OGG1: variants seen among roughly 807,000 people sequenced by gnomAD.
OGG1 encodes the protein N-glycosylase/DNA lyase.
Under a neutral mutation model 42.3 loss-of-function variants are expected in OGG1, and 35 were observed. The observed-to-expected ratio is 0.83, with a 90% confidence interval of 0.63 to 1.10. The LOEUF (loss-of-function observed/expected upper bound fraction) is 1.10. OGG1 is among the 50% of genes least tolerant of loss of function. The pLI, the probability that OGG1 is intolerant of heterozygous loss-of-function variation, is 0.00. For missense variants in OGG1, 484 were observed against 446.7 expected (o/e 1.08, Z -0.75); for synonymous variants, 189 against 179.0 (o/e 1.06, Z -0.44).
chr3:9,753,160 T>A (rs945380869), intron 3 of OGG1, among the ~76,000 whole-genome samples: 1 of 151,794 alleles, frequency 6.6e-6, no homozygotes, highest in Non-Finnish European at 1.5e-5. Flanking sequence ...GAGACCAGAC[T>A]GGCCAACCTG....
chr3:9,762,825 G>C, intron 7 of OGG1: 3 of 1,303,358 alleles, frequency 2.3e-6, no homozygotes, highest in Non-Finnish European at 3.3e-6. Flanking sequence ...TCAGTGAGGG[G>C]GTGAAAGTTG....
chr3:9,764,714 C>G (rs111850952), intron 7 of OGG1, among the ~76,000 whole-genome samples: 49 of 143,328 alleles, frequency 3.4e-4, no homozygotes, highest in African/African-American at 9.4e-4. Flanking sequence ...CTCACCGCAA[C>G]CTCCACCTCT....
At chr3:9,781,119 G>A (rs1372124027) in intron 2 of OGG1, among the ~76,000 whole-genome samples, 1 of 151,716 alleles carries the variant, frequency 6.6e-6, no homozygotes, top group Non-Finnish European at 1.5e-5. Flanking sequence ...AACAGAGCGT[G>A]ACTGTGTCTT....
intron 3 of OGG1, chr3:9,785,349 C>T (rs775164232): frequency 1.2e-6 from 2 of 1,614,056 alleles, no homozygotes. Flanking sequence ...AGGGGAGGTG[C>T]TTGCCCCGTC....
intron 2 of OGG1, among the ~76,000 whole-genome samples, chr3:9,773,375 A>G (rs2078325352): frequency 6.6e-6 from 1 of 151,856 alleles, no homozygotes; most frequent in Non-Finnish European, 1.5e-5. Context: ...TTGTATTTCT[A>G]CTAAAGATAC....
rs771276510 is a variant in OGG1 at position 9,757,355 on chromosome 3, T to A, written c.*205T>A. 1.9e-5 allele frequency: 31 copies of A among 1,614,080 alleles called. 1 individual carries two copies. In the South Asian group the frequency reaches 3.4e-4, roughly 18 times the overall value. On this transcript the variant is annotated 3_prime_UTR_variant, in exon 7 of 7. Transcript: ENST00000344629. This position sits in a 1 kb window ranked among gnomAD's most constrained non-coding sequence, Gnocchi z 4.5. ...GGAGACAGCGCTAAGGATGGTTTTATCTTCCCTTTATTACAAGAAGGAACA... is the reference window on the plus strand; with the variant it reads ...GGAGACAGCGCTAAGGATGGTTTTAACTTCCCTTTATTACAAGAAGGAACA...
At chr3:9,787,641 G>C (rs1007251974) in intron 3 of OGG1, 1 of 1,373,306 alleles carries the variant, frequency 7.3e-7, no homozygotes, top group African/African-American at 1.4e-5. Context: ...CCTCTCGAGA[G>C]AATTAGGAGC....
chr3:9,786,731 T>G (rs1482485469), intron 3 of OGG1, among the ~76,000 whole-genome samples: 1 of 152,202 alleles, frequency 6.6e-6, no homozygotes, highest in East Asian at 1.9e-4. Flanking sequence ...GAGGGGCTTC[T>G]AGGATATAGT....
rs368532639 is a variant in OGG1 at position 9,750,256 on chromosome 3, G to A, written c.-31G>A. 1 of 1,598,170 alleles carries A rather than the reference G, an allele frequency of 6.3e-7. No individual in the cohort carries two copies. Among genetic ancestry groups the A allele is most frequent in the Non-Finnish European group, 8.5e-7 (1 of 1,171,978 alleles). ...GACGAGGCCTGGTTCTGGGTAGGCG[G>A]GGCTACTACGGGGCGGTGCCTGCTG... On this transcript the variant is annotated 5_prime_UTR_variant, in exon 1 of 7. Coordinates refer to ENST00000344629, the MANE Select transcript of OGG1 (RefSeq NM_002542.6).
chr3:9,750,968 A>G lies in OGG1; in HGVS notation c.161A>G (p.His54Arg), dbSNP rs1324523789. Residue 54 changes from histidine (H) to arginine (R), a missense_variant, in exon 2 of 7, where the codon CAC becomes CGC. Coordinates refer to ENST00000344629, the MANE Select transcript of OGG1 (RefSeq NM_002542.6). ...SFRWREQSPA[H>R]WSGVLADQVW... ...AGGTGGAGGGAGCAAAGTCCTGCAC[A>G]CTGGAGTGGTGTACTAGCGGATCAA... 1.2e-6 allele frequency: 2 copies of G among 1,614,102 alleles called. No homozygotes were observed. The highest frequency in any genetic ancestry group is 1.7e-6 in the Non-Finnish European group (2 of 1,180,010).
chr3:9,761,019 C>A, downstream of OGG1: 1 of 481,766 alleles, frequency 2.1e-6, no homozygotes, highest in Non-Finnish European at 3.7e-6. Context: ...TCTTTCCCCA[C>A]ACCTCCAATG....
At chr3:9,765,908 T>G in exon 8 of OGG1, 1 of 1,613,786 alleles carries the variant, frequency 6.2e-7, no homozygotes, top group Non-Finnish European at 8.5e-7. Flanking sequence ...GAGAGGGGAT[T>G]CACAAGGTGA....
At chr3:9,764,105 G>A (rs1336610909) in intron 7 of OGG1, among the ~76,000 whole-genome samples, 2 of 152,154 alleles carry the variant, frequency 1.3e-5, no homozygotes, top group African/African-American at 4.8e-5. Context: ...CCAGCACCTG[G>A]TACAGGGTAG....
At chr3:9,758,087 T>G (rs1309923825), downstream of OGG1, 4 of 501,714 alleles carry the variant, frequency 8.0e-6, no homozygotes, top group Non-Finnish European at 1.3e-5. Context: ...ATAACTATAA[T>G]TCATATTAAT....
chr3:9,786,711 A>G (rs1484596024), intron 3 of OGG1, among the ~76,000 whole-genome samples: 1 of 152,228 alleles, frequency 6.6e-6, no homozygotes, highest in Non-Finnish European at 1.5e-5. Flanking sequence ...GGAGAAAAAC[A>G]GGGGCATGAG....
chr3:9,775,007 T>C (rs1391310707), intron 2 of OGG1, among the ~76,000 whole-genome samples: 1 of 151,774 alleles, frequency 6.6e-6, no homozygotes, highest in African/African-American at 2.4e-5. Context: ...CCCAGCACTT[T>C]GGGAGGCCGA....
intron 2 of OGG1, chr3:9,780,057 A>C: frequency 3.5e-6 from 1 of 283,134 alleles, no homozygotes; most frequent in East Asian, 6.3e-5. Context: ...AGACAGGGGT[A>C]GGGGATTAGG....
intron 2 of OGG1, among the ~76,000 whole-genome samples, chr3:9,775,278 A>G (rs549800101): frequency 6.6e-6 from 1 of 152,280 alleles, no homozygotes; most frequent in African/African-American, 2.4e-5. Context: ...ATATGCCCTG[A>G]GCTTTTGATT....
At chr3:9,780,773 G>A (rs949489382) in intron 2 of OGG1, among the ~76,000 whole-genome samples, 11 of 152,140 alleles carry the variant, frequency 7.2e-5, no homozygotes, top group Non-Finnish European at 1.3e-4. Flanking sequence ...GTGCACATGT[G>A]GGGACAGGGA....
Sources: gnomAD v4.1 joint callset for allele counts (sites outside exome capture counted in the v4.1 genomes callset) on GRCh38, gnomAD v4.1.1 for gene constraint, Gnocchi (gnomAD v3.1) non-coding constraint, MANE v1.5 for transcripts, NCBI Gene and HGNC (gene_info 2026-07-23, HGNC 2026-07-21) for gene names.